Variants in PDE6D observed in about 807,000 individuals in gnomAD.
PDE6D encodes the protein phosphodiesterase 6D.
A neutral mutation model predicts 21.9 loss-of-function variants in PDE6D; 10 were observed. The ratio of observed to expected loss-of-function variants is 0.46; its 90% confidence interval spans 0.28 to 0.78. PDE6D has a LOEUF of 0.78. Among genes scored for constraint, PDE6D ranks in the 30% least tolerant of loss-of-function variants. PDE6D has a pLI of 0.12. For missense variants in PDE6D, 139 were observed against 184.8 expected (o/e 0.75, Z 1.44); for synonymous variants, 59 against 63.5 (o/e 0.93, Z 0.34).
chr2:231,745,383 A>G (rs1015718441), intron 1 of PDE6D, among the ~76,000 whole-genome samples: 1 of 152,332 alleles, frequency 6.6e-6, no homozygotes, highest in African/African-American at 2.4e-5. Flanking sequence ...TTAAGACTCA[A>G]AGGTCAAGTC....
chr2:231,780,784 A>G (rs923477246), intron 1 of PDE6D, among the ~76,000 whole-genome samples: 7 of 151,610 alleles, frequency 4.6e-5, no homozygotes, highest in Non-Finnish European at 1.0e-4. Flanking sequence ...AGCGTTTCCG[A>G]CGCCCGGCAC....
chr2:231,742,982 C>T (rs1319070756), intron 1 of PDE6D, among the ~76,000 whole-genome samples: 1 of 152,200 alleles, frequency 6.6e-6, no homozygotes, highest in Admixed American at 6.5e-5. Flanking sequence ...AACTTCCAGG[C>T]AGCTCCAAAA....
intron 1 of PDE6D, among the ~76,000 whole-genome samples, chr2:231,765,975 T>G (rs781075194): frequency 2.5e-4 from 38 of 152,236 alleles, no homozygotes; most frequent in Non-Finnish European, 4.8e-4. Flanking sequence ...TAGTGTTGGT[T>G]ATACAGAGCA....
intron 1 of PDE6D, among the ~76,000 whole-genome samples, chr2:231,756,601 CTTTT>C (rs78576087): frequency 6.9e-5 from 8 of 116,426 alleles, no homozygotes; most frequent in Middle Eastern, 4.6e-3. Flanking sequence ...CTAAACCTGG[CTTTT>C]TTTTTTTTTT....
chr2:231,748,049 T>C (rs764937130), intron 1 of PDE6D, among the ~76,000 whole-genome samples: 4 of 152,138 alleles, frequency 2.6e-5, no homozygotes, highest in Non-Finnish European at 5.9e-5. Flanking sequence ...ATTAGCAGCA[T>C]GAAAACAAAC....
chr2:231,755,550 A>G (rs2048876392), intron 1 of PDE6D, among the ~76,000 whole-genome samples: 1 of 152,226 alleles, frequency 6.6e-6, no homozygotes, highest in Non-Finnish European at 1.5e-5. Context: ...AACATGGTGA[A>G]ACCCTGTCTC....
At chr2:231,771,517 C>T (rs541436310) in intron 1 of PDE6D, among the ~76,000 whole-genome samples, 3 of 152,176 alleles carry the variant, frequency 2.0e-5, no homozygotes, top group South Asian at 2.1e-4. Context: ...CTTTAAAAAC[C>T]GAAAAGCAGT....
intron 1 of PDE6D, among the ~76,000 whole-genome samples, chr2:231,753,450 G>A (rs896503330): frequency 6.6e-6 from 1 of 151,944 alleles, no homozygotes; most frequent in African/African-American, 2.4e-5. Flanking sequence ...ACTCCGGAGG[G>A]TGAGGCGGGA....
chr2:231,779,617 A>G (rs891758810), intron 1 of PDE6D: 5 of 151,928 alleles, frequency 3.3e-5, no homozygotes, highest in African/African-American at 1.2e-4. Context: ...TCATCCCTAT[A>G]TACCTATTTG....
In PDE6D at chr2:231,739,150, A is replaced by G; in HGVS notation, c.89T>C (p.Ile30Thr). Residue 30 changes from isoleucine to threonine, a missense_variant, in exon 2 of 5, where the codon ATA (isoleucine) becomes ACA (threonine). Physicochemically the swap from Ile to Thr is moderately conservative, Grantham distance 89 (BLOSUM62 -1). Transcript: ENST00000287600. The surrounding 1 kb of genome is among the most constrained non-coding windows in gnomAD (Gnocchi z 4.2). ...MNLRDAETGK[I>T]LWQGTEDLSV... The stretch of plus-strand genomic sequence containing the variant: ...CAGGTCTTCTGTTCCTTGCCAGAGT[A>G]TCTTCCCTGTCTCAGCATCCCGAAG... The G allele has an allele frequency of 6.2e-7, 1 of 1,613,380 alleles. No individual in the cohort carries two copies. Among genetic ancestry groups the G allele is most frequent in the Non-Finnish European group, 8.5e-7 (1 of 1,179,346 alleles).
chr2:231,762,869 C>T (rs745623546), intron 1 of PDE6D, among the ~76,000 whole-genome samples: 7 of 151,888 alleles, frequency 4.6e-5, no homozygotes, highest in South Asian at 4.2e-4. Flanking sequence ...GAGGCCAAGC[C>T]GGGAGGATCA....
intron 1 of PDE6D, among the ~76,000 whole-genome samples, chr2:231,780,247 G>C (rs1410525147): frequency 6.6e-6 from 1 of 152,128 alleles, no homozygotes; most frequent in East Asian, 1.9e-4. Flanking sequence ...TCACACCATT[G>C]CTGGACAGCT....
chr2:231,781,191 G>A lies in PDE6D; in HGVS notation c.-77C>T, dbSNP rs1559342679. 1.7e-5 allele frequency: 24 copies of A among 1,452,348 alleles called. No homozygotes were observed. Among genetic ancestry groups the A allele is most frequent in the Non-Finnish European group, 2.1e-5 (22 of 1,040,604 alleles). The allele number at this position is 1,452,348 out of a possible 1,614,324, so 90.0% of individuals were successfully genotyped here. ...CAGACGGTGCCCAGGAGCCGAGGAT[G>A]GAGCCGCAGCCCGGCTTGGAGACCT... On this transcript the variant is annotated 5_prime_UTR_variant, in exon 1 of 5. Coordinates refer to ENST00000287600, the MANE Select transcript of PDE6D (RefSeq NM_002601.4).
At chr2:231,746,896 C>T (rs935731163) in intron 1 of PDE6D, among the ~76,000 whole-genome samples, 1 of 133,964 alleles carries the variant, frequency 7.5e-6, no homozygotes, top group Non-Finnish European at 1.6e-5. Flanking sequence ...GAAGAGTCTC[C>T]GAAAATTTGG....
chr2:231,769,836 A>T (rs1019275842), intron 1 of PDE6D, among the ~76,000 whole-genome samples: 1 of 152,206 alleles, frequency 6.6e-6, no homozygotes, highest in African/African-American at 2.4e-5. Context: ...TAAATACTTA[A>T]GGGGCCTTTG....
chr2:231,774,568 C>A (rs1183162006), intron 1 of PDE6D, among the ~76,000 whole-genome samples: 1 of 151,910 alleles, frequency 6.6e-6, no homozygotes, highest in African/African-American at 2.4e-5. Flanking sequence ...CCCTTTCCCT[C>A]AATGTTGTGA....
intron 1 of PDE6D, among the ~76,000 whole-genome samples, chr2:231,774,889 C>A (rs112231480): frequency 0.079 from 11,894 of 150,988 alleles, 524 homozygotes; most frequent in African/African-American, 0.11. Flanking sequence ...CTGTGCCTGG[C>A]ATCTTTTTTT....
intron 1 of PDE6D, among the ~76,000 whole-genome samples, chr2:231,759,369 T>C (rs2048908243): frequency 6.6e-6 from 1 of 151,968 alleles, no homozygotes; most frequent in Admixed American, 6.6e-5. Context: ...AAGGTATTTC[T>C]AGGAAATAAG....
chr2:231,745,786 T>A (rs2106266849), intron 1 of PDE6D, among the ~76,000 whole-genome samples: 1 of 152,254 alleles, frequency 6.6e-6, no homozygotes, highest in Admixed American at 6.5e-5. Context: ...GTTACGCAAA[T>A]CCTCTTGTGT....
Sources: allele counts gnomAD v4.1 joint callset (sites outside exome capture counted in the v4.1 genomes callset), GRCh38; gene constraint gnomAD v4.1.1; non-coding constraint Gnocchi (gnomAD v3.1); transcripts MANE v1.5; gene names NCBI Gene and HGNC (gene_info 2026-07-23, HGNC 2026-07-21).